SLC61A1: variants seen among roughly 807,000 people sequenced by gnomAD.
SLC61A1 encodes major facilitator superfamily domain containing 5.
chr12:53,251,248 T>C, the SLC61A1 span: 1 of 163,290 alleles, frequency 6.1e-6, no homozygotes. Flanking sequence ...GGGAACAGTG[T>C]GCAAAAGCCC....
At chr12:53,252,572 A>G in the SLC61A1 span, 1 of 1,356,552 alleles carries the variant, frequency 7.4e-7, no homozygotes, top group South Asian at 1.7e-5. Context: ...CCCTCTTCAC[A>G]GGCAAGGATG....
At chr12:53,254,025 A>G in the SLC61A1 span, 3 of 1,614,196 alleles carry the variant, frequency 1.9e-6, no homozygotes, top group South Asian at 3.3e-5. Flanking sequence ...CTTGTCCTCC[A>G]TGACAGTGAT....
At chr12:53,252,824 C>T in the SLC61A1 span, 3 of 1,613,228 alleles carry the variant, frequency 1.9e-6, no homozygotes, top group Non-Finnish European at 8.5e-7. Context: ...CCAGGTCGTC[C>T]GGGGGCCCAC....
the SLC61A1 span, chr12:53,254,377 A>G: frequency 1.6e-6 from 1 of 612,348 alleles, no homozygotes; most frequent in Non-Finnish European, 2.9e-6. Flanking sequence ...TGTTACTCCC[A>G]TTTAGAAAAT....
the SLC61A1 span, chr12:53,254,334 G>A: frequency 9.9e-7 from 1 of 1,006,118 alleles, no homozygotes; most frequent in South Asian, 1.7e-5. Flanking sequence ...TGGGGGTGAT[G>A]GACTGGAAAG....
chr12:53,252,855 T>G, the SLC61A1 span: 1 of 1,613,992 alleles, frequency 6.2e-7, no homozygotes, highest in Non-Finnish European at 8.5e-7. Context: ...ACTGCCTACC[T>G]TGCTTTTGTA....
the SLC61A1 span, chr12:53,252,062 G>T: frequency 9.2e-7 from 1 of 1,081,942 alleles, no homozygotes; most frequent in South Asian, 1.5e-5. Context: ...GGGCGGGCGG[G>T]GCGGGGCGGG....
the SLC61A1 span, chr12:53,251,457 A>T: frequency 2.2e-6 from 1 of 461,870 alleles, no homozygotes; most frequent in Non-Finnish European, 3.8e-6. Context: ...TCCAAGGTAA[A>T]ACAGCTTGTA....
At chr12:53,253,059 G>A in the SLC61A1 span, 10 of 1,614,220 alleles carry the variant, frequency 6.2e-6, no homozygotes, top group Non-Finnish European at 8.5e-6. Context: ...TTCCTGGAAG[G>A]TCAAATTGCC....
chr12:53,252,361 G>A, the SLC61A1 span: 3 of 1,333,970 alleles, frequency 2.2e-6, no homozygotes, highest in African/African-American at 1.5e-5. Flanking sequence ...TGGAGGAGTG[G>A]GCCTCTGAGA....
chr12:53,252,203 G>A, the SLC61A1 span: 1 of 1,417,020 alleles, frequency 7.1e-7, no homozygotes, highest in Non-Finnish European at 9.1e-7. Flanking sequence ...GAGCCACAGC[G>A]GGGAGGGTGG....
At chr12:53,253,386 T>C in the SLC61A1 span, 2 of 1,614,146 alleles carry the variant, frequency 1.2e-6, no homozygotes, top group South Asian at 2.2e-5. Context: ...CTGGCTGTAG[T>C]GGCAGGTGTG....
chr12:53,253,364 T>C, the SLC61A1 span: 10 of 1,614,264 alleles, frequency 6.2e-6, no homozygotes, highest in Non-Finnish European at 8.5e-6. Flanking sequence ...AGCTGCCTTC[T>C]GGAACCATGT....
chr12:53,251,449 C>T, the SLC61A1 span: 1 of 431,448 alleles, frequency 2.3e-6, no homozygotes. Context: ...ATAGTTTTTC[C>T]AAGGTAAAAC....
chr12:53,251,992 G>A, the SLC61A1 span: 11 of 1,275,432 alleles, frequency 8.6e-6, no homozygotes, highest in Admixed American at 7.3e-5. Context: ...TCCTATGGTC[G>A]CCCCTTCCCG....
the SLC61A1 span, chr12:53,252,805 C>T: frequency 4.3e-6 from 7 of 1,611,052 alleles, no homozygotes; most frequent in Non-Finnish European, 5.9e-6. Context: ...CTGACTCCCA[C>T]CTCTCTTCCC....
the SLC61A1 span, chr12:53,253,894 T>C: frequency 6.2e-7 from 1 of 1,614,214 alleles, no homozygotes; most frequent in Non-Finnish European, 8.5e-7. Flanking sequence ...TTGAGTTGGC[T>C]TGTGGATTAT....
At chr12:53,252,059 C>CG in the SLC61A1 span, 3 of 177,664 alleles carry the variant, frequency 1.7e-5, no homozygotes, top group Non-Finnish European at 2.5e-5. Flanking sequence ...GGCGGGCGGG[C>CG]GGGGCGGGGC....
chr12:53,252,724 C>T, the SLC61A1 span: 1 of 1,412,310 alleles, frequency 7.1e-7, no homozygotes, highest in South Asian at 1.4e-5. Context: ...GAGTTGGCAG[C>T]GGGGTTGGGT....
Sources: gnomAD v4.1 joint callset for allele counts on GRCh38, gnomAD v4.1.1 for gene constraint, MANE v1.5 for transcripts, NCBI Gene and HGNC (gene_info 2026-07-23, HGNC 2026-07-21) for gene names.